Variants in TVP23A observed in about 807,000 individuals in gnomAD.
TVP23A encodes Golgi apparatus membrane protein TVP23 homolog A.
TVP23A carries 21 observed loss-of-function variants against 31.7 expected under a neutral mutation model. The observed-to-expected ratio is 0.66, with a 90% CI of 0.47 to 0.95. The LOEUF is 0.95. Among genes scored for constraint, TVP23A ranks in the 40% least tolerant of loss-of-function variants. The pLI is 0.00. For synonymous variants in TVP23A, 104 were observed against 96.0 expected, an observed-to-expected ratio of 1.08 and a Z score of -0.49; for missense variants, 279 against 255.6, an observed-to-expected ratio of 1.09 and a Z score of -0.62.
downstream of TVP23A, among the ~76,000 whole-genome samples, chr16:10,759,314 A>G (rs969063367): frequency 1.3e-5 from 2 of 152,308 alleles, no homozygotes; most frequent in South Asian, 4.1e-4. The surrounding 1 kb of genome is among the most constrained non-coding windows in gnomAD (Gnocchi z 4.7). Context: ...AAAATGGTGC[A>G]AGATTCATGT....
At chr16:10,762,611 T>G (rs566602922), downstream of TVP23A, among the ~76,000 whole-genome samples, 2 of 152,272 alleles carry the variant, frequency 1.3e-5, no homozygotes, top group Non-Finnish European at 2.9e-5. Context: ...CGTCCAGCAC[T>G]CGCCTTTAGG....
chr16:10,758,028 G>A (rs1900682057), downstream of TVP23A: 1 of 1,611,662 alleles, frequency 6.2e-7, no homozygotes, highest in South Asian at 1.1e-5. Flanking sequence ...CACTCCCCAG[G>A]TGAGCGAGCT....
At chr16:10,799,348 G>C (rs545567366) in intron 2 of TVP23A, among the ~76,000 whole-genome samples, 46 of 152,180 alleles carry the variant, frequency 3.0e-4, no homozygotes, top group African/African-American at 9.4e-4. Flanking sequence ...GTTTTTGTTT[G>C]CTTGAGACAG....
intron 2 of TVP23A, among the ~76,000 whole-genome samples, chr16:10,812,213 G>C (rs1047276323): frequency 6.6e-6 from 1 of 152,192 alleles, no homozygotes; most frequent in African/African-American, 2.4e-5. Flanking sequence ...AAATACCATG[G>C]TTATCACACC....
chr16:10,789,121 C>T (rs2032944537), intron 2 of TVP23A, among the ~76,000 whole-genome samples: 1 of 152,158 alleles, frequency 6.6e-6, no homozygotes, highest in Non-Finnish European at 1.5e-5. Context: ...AGCCACCGTG[C>T]CCGGACAAGA....
chr16:10,761,858 A>G (rs766250034), downstream of TVP23A: 3 of 1,612,752 alleles, frequency 1.9e-6, no homozygotes, highest in African/African-American at 1.3e-5. Flanking sequence ...ATCCGCTCAT[A>G]GGTGGGTGAC....
chr16:10,808,888 A>C (rs2034066914), intron 2 of TVP23A, among the ~76,000 whole-genome samples: 1 of 152,220 alleles, frequency 6.6e-6, no homozygotes, highest in South Asian at 2.1e-4. Context: ...GCAGGAAGAG[A>C]CTTTCCTACT....
intron 2 of TVP23A, among the ~76,000 whole-genome samples, chr16:10,815,087 C>T (rs1273320503): frequency 6.6e-6 from 1 of 152,150 alleles, no homozygotes; most frequent in Non-Finnish European, 1.5e-5. Context: ...CTGCCTATCC[C>T]AGCGTTTAAA....
chr16:10,792,947 G>A (rs1005471726), intron 2 of TVP23A, among the ~76,000 whole-genome samples: 11 of 152,180 alleles, frequency 7.2e-5, no homozygotes, highest in Non-Finnish European at 1.6e-4. Flanking sequence ...ACTTCCCTCT[G>A]GTTGCCACAG....
intron 2 of TVP23A, among the ~76,000 whole-genome samples, chr16:10,815,473 A>G (rs917485992): frequency 6.6e-6 from 1 of 152,006 alleles, no homozygotes; most frequent in Non-Finnish European, 1.5e-5. Flanking sequence ...TGGTATGCCT[A>G]CTCCCACCCT....
At chr16:10,799,149 G>A (rs2033566486) in intron 2 of TVP23A, among the ~76,000 whole-genome samples, 1 of 152,196 alleles carries the variant, frequency 6.6e-6, no homozygotes, top group African/African-American at 2.4e-5. Flanking sequence ...GATGACTGCA[G>A]CTCTGAGCAA....
At chr16:10,775,166 C>A in intron 2 of TVP23A, 70 bp from the exon 3 acceptor site, 1 of 1,533,376 alleles carries the variant, frequency 6.5e-7, no homozygotes, top group South Asian at 1.2e-5. Context: ...CCCTTTACCA[C>A]TTCAGACTTT....
chr16:10,774,180 T>A (rs1182151925), intron 3 of TVP23A, 52 bp from the exon 4 acceptor site: 2 of 1,381,656 alleles, frequency 1.4e-6, no homozygotes, highest in African/African-American at 2.9e-5. Context: ...AAGAGGCTTA[T>A]TCACTGTATT....
intron 2 of TVP23A, among the ~76,000 whole-genome samples, chr16:10,797,187 GA>G (rs745422162): frequency 5.7e-4 from 78 of 137,570 alleles, no homozygotes; most frequent in Middle Eastern, 3.6e-3. Flanking sequence ...AGACCCTGTA[GA>G]AAAAAAAAAA....
chr16:10,808,403 A>G (rs2034041498), intron 2 of TVP23A: 1 of 391,128 alleles, frequency 2.6e-6, no homozygotes, highest in African/African-American at 2.1e-5. Context: ...TTGCCTGAAG[A>G]CCTGAGCCCA....
downstream of TVP23A, among the ~76,000 whole-genome samples, chr16:10,759,206 C>T (rs1324431982): frequency 2.6e-5 from 4 of 152,218 alleles, no homozygotes; most frequent in Non-Finnish European, 4.4e-5. The surrounding 1 kb of genome is among the most constrained non-coding windows in gnomAD (Gnocchi z 4.7). Flanking sequence ...CTGGTGGCCC[C>T]TGTGGCTCCC....
chr16:10,815,235 A>G lies in TVP23A; in HGVS notation c.89+2868T>C, dbSNP rs187857855. Among the ~76,000 whole-genome samples the G allele has an allele frequency of 3.2e-4, 49 of 152,184 alleles. No homozygotes were observed. The East Asian group carries it at 9.5e-3, about 29-fold the overall frequency. ...ACATGGCGAAACTCCATCTCTACTA[A>G]AACAAAACAAAACAAAAAACATAAA... On this transcript the variant is annotated intron_variant, in intron 2 of 7. Coordinates refer to ENST00000299866, the MANE Select transcript of TVP23A (RefSeq NM_001079512.4).
At chr16:10,758,804 G>A (rs1386875136), downstream of TVP23A, among the ~76,000 whole-genome samples, 1 of 152,144 alleles carries the variant, frequency 6.6e-6, no homozygotes, top group Non-Finnish European at 1.5e-5. Flanking sequence ...GCCACTGGGT[G>A]CCTTCGCTTC....
intron 2 of TVP23A, among the ~76,000 whole-genome samples, chr16:10,792,800 T>A (rs2033176083): frequency 6.6e-6 from 1 of 152,248 alleles, no homozygotes; most frequent in Non-Finnish European, 1.5e-5. Context: ...ATCCTCTTAC[T>A]GCCCCAACAT....
Sources: allele counts gnomAD v4.1 joint callset (sites outside exome capture counted in the v4.1 genomes callset), GRCh38; gene constraint gnomAD v4.1.1; non-coding constraint Gnocchi (gnomAD v3.1); transcripts MANE v1.5; gene names NCBI Gene and HGNC (gene_info 2026-07-23, HGNC 2026-07-21).